The following PTPRN2 variants were observed in gnomAD, a reference collection of about 807,000 sequenced individuals.
The protein encoded by PTPRN2 is receptor-type tyrosine-protein phosphatase N2.
PTPRN2 carries 74 observed loss-of-function variants against 118.8 expected under a neutral mutation model. That is an observed-to-expected ratio of 0.62 (90% CI 0.52 to 0.76). The LOEUF (loss-of-function observed/expected upper bound fraction) is 0.76. Ranked by LOEUF, PTPRN2 falls within the 30% of genes least tolerant of loss-of-function variation. The pLI is 0.00. For missense variants in PTPRN2, 1,481 were observed against 1,394.4 expected (o/e 1.06, Z -0.99); for synonymous variants, 641 against 608.0 (o/e 1.05, Z -0.80).
rs1488804383 is a variant in PTPRN2, at chr7:158,319,416, T to TC, written c.164-2485dup. Among the ~76,000 whole-genome samples the TC allele has an allele frequency of 6.5e-4, 43 of 66,224 alleles. 1 individual carries two copies. Among genetic ancestry groups the TC allele is most frequent in the African/African-American group, 2.9e-3 (41 of 14,034 alleles). 43.4% of individuals were successfully genotyped at this position (66,224 alleles called of 152,430 possible). A position where few individuals can be genotyped will look rare whatever the true frequency, so the allele number is the denominator to read the frequency against. ...CAGCCTCCCACACACACACACAGCC[T>TC]CCCACACACACACACACACAGCCTC... is the stretch of plus-strand genomic sequence containing the variant. On this transcript the variant is annotated intron_variant, in intron 2 of 22. Coordinates refer to ENST00000389418, the MANE Select transcript of PTPRN2 (RefSeq NM_002847.5).
rs981275267 is a variant in PTPRN2 at position 158,563,452 on chromosome 7, C to T, written c.112+24106G>A. ...CTCATAATATGAAGTTTGGGTGAGG[C>T]GGTGCCAAAACCCAGCTGGTGCAAG... On this transcript the variant is annotated intron_variant, in intron 1 of 22. Transcript: ENST00000389418. This position sits in a 1 kb window ranked among gnomAD's most constrained non-coding sequence, Gnocchi z 5.1. Among the ~76,000 whole-genome samples the T allele has an allele frequency of 9.2e-5, 14 of 152,176 alleles. No individual in the cohort carries two copies. The highest frequency in any genetic ancestry group is 3.4e-4 in the African/African-American group (14 of 41,442).
intron 12 of PTPRN2, among the ~76,000 whole-genome samples, chr7:157,855,223 C>T (rs1039036512): frequency 1.3e-4 from 20 of 151,532 alleles, no homozygotes; most frequent in African/African-American, 3.4e-4. Flanking sequence ...GATGGCTGCA[C>T]CATTGCAGGC....
At position 158,313,106 on chromosome 7, in the gene PTPRN2, A is replaced by G. The variant is rs144462794; in HGVS notation, c.277+3713T>C. Among the ~76,000 whole-genome samples the G allele has an allele frequency of 5.1e-3, 780 of 151,934 alleles. 4 individuals are homozygous for G. Among genetic ancestry groups the G allele is most frequent in the Non-Finnish European group, 5.9e-3 (398 of 67,960 alleles). On this transcript the variant is annotated intron_variant, in intron 3 of 22. Transcript: ENST00000389418. ...CATGTGAGCATGTGTATGAGTGTGC[A>G]AGTGTGTGTGCAAATGTGTCTGTGT...
rs78090661 is a variant in PTPRN2 at position 158,227,661 on chromosome 7, G to A, written c.278-22388C>T. On this transcript the variant is annotated intron_variant, in intron 3 of 22. Transcript: ENST00000389418. ...AACTCATGCTCAAAATGCTCTTTAC[G>A]GAAGATGAATGTGCAGCTTGCCCTC... Among the ~76,000 whole-genome samples, 1,226 of 152,302 alleles carry A rather than the reference G, an allele frequency of 8.0e-3. 8 individuals carry two copies. Among genetic ancestry groups the A allele is most frequent in the African/African-American group, 0.028 (1,151 of 41,552 alleles).
intron 9 of PTPRN2, among the ~76,000 whole-genome samples, chr7:158,113,036 C>A (rs568167466): frequency 6.6e-6 from 1 of 151,198 alleles, no homozygotes; most frequent in Non-Finnish European, 1.5e-5. Flanking sequence ...CATTTAGGGC[C>A]CCCCAGCATT....
In PTPRN2 at chr7:158,343,125, C is replaced by A. The variant is rs140020122; in HGVS notation, c.164-26193G>T. On this transcript the variant is annotated intron_variant, in intron 2 of 22. Coordinates refer to ENST00000389418, the MANE Select transcript of PTPRN2 (RefSeq NM_002847.5). ...CACTATTAGCAGCAGGAAAAGGCAG[C>A]CAGGGAGTGGGGAAATATTTGCCCT... Among the ~76,000 whole-genome samples, 1,253 of 152,214 alleles carry A rather than the reference C, an allele frequency of 8.2e-3. 20 individuals are homozygous for A. Among genetic ancestry groups the A allele is most frequent in the African/African-American group, 0.029 (1,184 of 41,524 alleles).
intron 11 of PTPRN2, among the ~76,000 whole-genome samples, chr7:158,079,076 C>G (rs1246129296): frequency 1.3e-5 from 2 of 152,316 alleles, no homozygotes; most frequent in South Asian, 2.1e-4. Flanking sequence ...CTCCCAACCT[C>G]AAGTGACCCG....
At chr7:158,155,760 T>TCAC (rs1821755971) in intron 6 of PTPRN2, among the ~76,000 whole-genome samples, 1 of 92,364 alleles carries the variant, frequency 1.1e-5, no homozygotes, top group South Asian at 3.6e-4. Flanking sequence ...ATCACCATCA[T>TCAC]CATCACCATC....
chr7:158,386,661 G>T (rs1811409834), intron 2 of PTPRN2, among the ~76,000 whole-genome samples: 2 of 152,134 alleles, frequency 1.3e-5, no homozygotes, highest in African/African-American at 2.4e-5. Flanking sequence ...GGAAAAAAAT[G>T]GATCCTTCAA....
intron 2 of PTPRN2, among the ~76,000 whole-genome samples, chr7:158,425,823 A>T (rs369902756): frequency 0.026 from 198 of 7,630 alleles, no homozygotes; most frequent in East Asian, 0.032. Context: ...GGGGTCCGAG[A>T]CCAGCCTAGC....
At chr7:157,790,080 GTGGT>G (rs1417204653) in intron 12 of PTPRN2, among the ~76,000 whole-genome samples, 4 of 137,320 alleles carry the variant, frequency 2.9e-5, no homozygotes, top group African/African-American at 1.1e-4. Context: ...GTGTGTGTGT[GTGGT>G]GTGTGTGGTG....
chr7:157,610,352 G>A lies in PTPRN2; in HGVS notation c.2345-6277C>T, dbSNP rs1802258169. Among the ~76,000 whole-genome samples the A allele has an allele frequency of 6.6e-6, 1 of 152,198 alleles. No individual in the cohort carries two copies. The highest frequency in any genetic ancestry group is 1.5e-5 in the Non-Finnish European group (1 of 68,032). On this transcript the variant is annotated intron_variant, in intron 15 of 22. Transcript: ENST00000389418. This position sits in a 1 kb window ranked among gnomAD's most constrained non-coding sequence, Gnocchi z 5.1. ...GCCTCTGCTTTCTGTGAAGGTTTAGGCTCAGTCATTTATGCTGGCAGGAGG... is the reference window on the plus strand; with the variant it reads ...GCCTCTGCTTTCTGTGAAGGTTTAGACTCAGTCATTTATGCTGGCAGGAGG...
At chr7:157,694,265 T>C (rs1012238717) in intron 12 of PTPRN2, among the ~76,000 whole-genome samples, 1 of 152,206 alleles carries the variant, frequency 6.6e-6, no homozygotes, top group African/African-American at 2.4e-5. Flanking sequence ...TGGGTCACTT[T>C]AAAAATCGTG....
At chr7:157,918,068 A>T (rs1798509571) in intron 11 of PTPRN2, among the ~76,000 whole-genome samples, 1 of 152,156 alleles carries the variant, frequency 6.6e-6, no homozygotes, top group South Asian at 2.1e-4. Context: ...TTCTTCCTGG[A>T]CGCACTGCCA....
intron 1 of PTPRN2, among the ~76,000 whole-genome samples, chr7:158,534,847 G>A (rs913423821): frequency 2.7e-5 from 4 of 149,452 alleles, no homozygotes; most frequent in East Asian, 4.1e-4. Context: ...ACGCCTGCAC[G>A]TTGGGCAGCC....
At chr7:158,423,238 G>A (rs1815407983) in intron 2 of PTPRN2, among the ~76,000 whole-genome samples, 1 of 152,244 alleles carries the variant, frequency 6.6e-6, no homozygotes, top group Non-Finnish European at 1.5e-5. Flanking sequence ...GAGAAACCGG[G>A]ATCCATGTTC....
intron 3 of PTPRN2, among the ~76,000 whole-genome samples, chr7:158,244,591 T>C (rs1362686711): frequency 2.0e-5 from 3 of 151,950 alleles, no homozygotes; most frequent in African/African-American, 7.3e-5. Flanking sequence ...AGCGTGAGTT[T>C]TGTCTGAGTT....
chr7:157,917,381 G>C (rs73517038), intron 11 of PTPRN2, among the ~76,000 whole-genome samples: 4,225 of 152,318 alleles, frequency 0.028, 155 homozygotes, highest in African/African-American at 0.088. Context: ...CACTCCTCAG[G>C]GTTCCAAGAA....
chr7:157,614,242 G>A, intron 15 of PTPRN2: 1 of 411,012 alleles, frequency 2.4e-6, no homozygotes, highest in Non-Finnish European at 5.0e-6. Context: ...GAGCAGGCTG[G>A]TCATGTTCCT....
Sources: allele counts gnomAD v4.1 joint callset (sites outside exome capture counted in the v4.1 genomes callset), GRCh38; gene constraint gnomAD v4.1.1; non-coding constraint Gnocchi (gnomAD v3.1); transcripts MANE v1.5; gene names NCBI Gene and HGNC (gene_info 2026-07-23, HGNC 2026-07-21).